Variants in EPHA6 observed in about 807,000 individuals in gnomAD.
The protein encoded by EPHA6 is ephrin type-A receptor 6.
In EPHA6, 50 loss-of-function variants were observed where a neutral mutation model predicts 112.0. The observed-to-expected ratio is 0.45, with a 90% confidence interval of 0.36 to 0.56. The LOEUF is 0.56. Ranked by LOEUF, EPHA6 falls within the 20% of genes least tolerant of loss-of-function variation. The probability of loss-of-function intolerance (pLI) is 0.00; values close to 1 mark genes in which losing one functional copy is unlikely to be tolerated. For missense variants in EPHA6, 1,280 were observed against 1,417.4 expected (o/e 0.90, Z 1.56); for synonymous variants, 529 against 490.7 (o/e 1.08, Z -1.03).
At chr3:97,656,313 A>G (rs73134950) in intron 14 of EPHA6, among the ~76,000 whole-genome samples, 6,300 of 152,020 alleles carry the variant, frequency 0.041, 195 homozygotes, top group Non-Finnish European at 0.061. Flanking sequence ...AATAAATATT[A>G]CTACTACTGA....
At chr3:97,650,798 A>G (rs940467756) in intron 14 of EPHA6, among the ~76,000 whole-genome samples, 2 of 145,620 alleles carry the variant, frequency 1.4e-5, no homozygotes, top group African/African-American at 5.1e-5. Context: ...CAGAGGTTGC[A>G]GTGAGCTGAG....
intron 3 of EPHA6, among the ~76,000 whole-genome samples, chr3:97,069,744 T>A (rs1322847057): frequency 1.3e-5 from 2 of 152,276 alleles, no homozygotes; most frequent in Middle Eastern, 3.4e-3. Context: ...AAATGTTTTT[T>A]AATAAATATG....
intron 11 of EPHA6, among the ~76,000 whole-genome samples, chr3:97,560,056 G>A (rs1483152926): frequency 6.6e-6 from 1 of 151,438 alleles, no homozygotes; most frequent in Admixed American, 6.6e-5. Context: ...AAAAATCCCA[G>A]CCAAACTATC....
chr3:97,566,376 A>G (rs2093267041), intron 11 of EPHA6, among the ~76,000 whole-genome samples: 1 of 152,160 alleles, frequency 6.6e-6, no homozygotes, highest in Admixed American at 6.5e-5. Flanking sequence ...CAAATATCCA[A>G]ACTATATCAG....
intron 3 of EPHA6, among the ~76,000 whole-genome samples, chr3:97,023,779 AT>A (rs2107989882): frequency 6.6e-6 from 1 of 152,274 alleles, no homozygotes; most frequent in Non-Finnish European, 1.5e-5. Flanking sequence ...GAGTTGTAAA[AT>A]TCAATTATGC....
chr3:97,574,203 C>A (rs192917164), intron 11 of EPHA6, among the ~76,000 whole-genome samples: 2 of 152,098 alleles, frequency 1.3e-5, no homozygotes, highest in East Asian at 3.9e-4. Context: ...GGTTTTAATA[C>A]CCTATCCTAA....
chr3:96,891,402 G>A (rs931212973), intron 2 of EPHA6, among the ~76,000 whole-genome samples: 11 of 152,178 alleles, frequency 7.2e-5, no homozygotes, highest in African/African-American at 2.4e-4. Flanking sequence ...TATAGTCTTT[G>A]AGGTCACGAT....
chr3:96,816,883 A>G (rs992022431), intron 1 of EPHA6, among the ~76,000 whole-genome samples: 3 of 152,044 alleles, frequency 2.0e-5, no homozygotes, highest in Non-Finnish European at 4.4e-5. Context: ...TTATTTGCTT[A>G]TCTATTTTAA....
At chr3:97,561,592 C>G (rs2093193188) in intron 11 of EPHA6, among the ~76,000 whole-genome samples, 1 of 151,962 alleles carries the variant, frequency 6.6e-6, no homozygotes, top group Non-Finnish European at 1.5e-5. Context: ...AGAATGAAAC[C>G]ATCTCTGTAA....
chr3:97,659,879 C>G (rs571338448), intron 14 of EPHA6, among the ~76,000 whole-genome samples: 3 of 152,030 alleles, frequency 2.0e-5, no homozygotes, highest in African/African-American at 7.2e-5. Flanking sequence ...CAAGTAAGAG[C>G]CTCCCATTCT....
intron 7 of EPHA6, among the ~76,000 whole-genome samples, 159 bp downstream of exon 7, chr3:97,448,889 G>A (rs2090437299): frequency 6.6e-6 from 1 of 152,030 alleles, no homozygotes; most frequent in South Asian, 2.1e-4. Context: ...AATATTTGTT[G>A]CTATCATTAA....
intron 2 of EPHA6, among the ~76,000 whole-genome samples, chr3:96,920,913 G>A (rs1373002244): frequency 6.6e-6 from 1 of 151,762 alleles, no homozygotes; most frequent in African/African-American, 2.4e-5. Flanking sequence ...GCCTTTAAGG[G>A]GAACAAAATT....
intron 3 of EPHA6, among the ~76,000 whole-genome samples, chr3:97,225,405 T>C (rs2078326067): frequency 6.6e-6 from 1 of 152,248 alleles, no homozygotes; most frequent in Non-Finnish European, 1.5e-5. Flanking sequence ...ACTGCTGTCA[T>C]AAGATCACAT....
At chr3:97,175,819 T>C (rs887880682) in intron 3 of EPHA6, among the ~76,000 whole-genome samples, 1 of 151,880 alleles carries the variant, frequency 6.6e-6, no homozygotes, top group Non-Finnish European at 1.5e-5. Context: ...TATTAGGTTT[T>C]TCCAAATACA....
chr3:97,442,945 T>C (rs2107288413), intron 6 of EPHA6, among the ~76,000 whole-genome samples: 1 of 152,256 alleles, frequency 6.6e-6, no homozygotes, highest in South Asian at 2.1e-4. Flanking sequence ...TAAAAGACTT[T>C]CAGCTTTGCT....
At position 97,080,528 on chromosome 3, in the gene EPHA6, A is replaced by G. The variant is rs547608413; in HGVS notation, c.1114+92535A>G. Reference sequence around the variant, plus strand: ...TTCAAAGAGTATGTAATGAACCTAAACTCAGGAATGTATAAAATGTGTAAC... The same window carrying G: ...TTCAAAGAGTATGTAATGAACCTAAGCTCAGGAATGTATAAAATGTGTAAC... On this transcript the variant is annotated intron_variant, in intron 3 of 17. Transcript: ENST00000389672. 3.9e-5 allele frequency among the ~76,000 whole-genome samples: 6 copies of G among 152,234 alleles called. No individual in the cohort carries two copies. In the East Asian group the frequency reaches 1.2e-3, roughly 29 times the overall value.
intron 5 of EPHA6, among the ~76,000 whole-genome samples, chr3:97,267,538 G>T (rs922208743): frequency 6.6e-6 from 1 of 151,964 alleles, no homozygotes; most frequent in Non-Finnish European, 1.5e-5. Context: ...GTTGACTAAA[G>T]GAATGAATGC....
chr3:97,102,588 C>T (rs1015290421), intron 3 of EPHA6, among the ~76,000 whole-genome samples: 8 of 152,034 alleles, frequency 5.3e-5, no homozygotes, highest in South Asian at 2.1e-4. Context: ...TGAAAATATA[C>T]GTGCATGTGC....
intron 2 of EPHA6, among the ~76,000 whole-genome samples, chr3:96,927,441 A>G (rs1190440661): frequency 6.6e-6 from 1 of 152,132 alleles, no homozygotes; most frequent in East Asian, 1.9e-4. Flanking sequence ...TTTCTATCAC[A>G]TTGTCAGGCT....
Sources: gnomAD v4.1 joint callset for allele counts (sites outside exome capture counted in the v4.1 genomes callset) on GRCh38, gnomAD v4.1.1 for gene constraint, MANE v1.5 for transcripts, NCBI Gene and HGNC (gene_info 2026-07-23, HGNC 2026-07-21) for gene names.